The following DENND5A variants were observed in gnomAD, a reference collection of about 807,000 sequenced individuals.
DENND5A encodes the protein DENN domain containing 5A, also known as DENN domain-containing protein 5A.
In DENND5A, 64 loss-of-function variants were observed where a neutral mutation model predicts 140.3. The observed-to-expected ratio is 0.46, with a 90% CI of 0.37 to 0.56. The LOEUF (loss-of-function observed/expected upper bound fraction) is 0.56. DENND5A is among the 20% of genes least tolerant of loss of function. The pLI is 0.00. For missense variants in DENND5A, 1,292 were observed against 1,593.8 expected, an observed-to-expected ratio of 0.81 and a Z score of 3.22; for synonymous variants, 605 against 607.7, an observed-to-expected ratio of 1.00 and a Z score of 0.07.
At chr11:9,163,296 A>G (rs749877871) in intron 11 of DENND5A, among the ~76,000 whole-genome samples, 59 of 152,194 alleles carry the variant, frequency 3.9e-4, no homozygotes, top group Non-Finnish European at 7.4e-4. Context: ...CTGTTTTCCA[A>G]AATCATCATA....
At chr11:9,244,150 C>G (rs979918537) in intron 1 of DENND5A, among the ~76,000 whole-genome samples, 3 of 152,122 alleles carry the variant, frequency 2.0e-5, no homozygotes, top group African/African-American at 7.2e-5. Flanking sequence ...TTTGGACATA[C>G]AGAACCTCAG....
intron 1 of DENND5A, among the ~76,000 whole-genome samples, chr11:9,231,988 G>C (rs1278491718): frequency 6.6e-6 from 1 of 151,458 alleles, no homozygotes; most frequent in African/African-American, 2.4e-5. Context: ...CAATGGTAAT[G>C]TTTCTCTTTC....
chr11:9,257,425 T>C (rs533644160), intron 1 of DENND5A, among the ~76,000 whole-genome samples: 2 of 137,440 alleles, frequency 1.5e-5, no homozygotes, highest in South Asian at 5.6e-4. Flanking sequence ...AGACAGACTC[T>C]GTCTCTTAAA....
intron 1 of DENND5A, among the ~76,000 whole-genome samples, chr11:9,229,233 A>G (rs1424672751): frequency 6.6e-6 from 1 of 152,198 alleles, no homozygotes; most frequent in Non-Finnish European, 1.5e-5. Context: ...GATTACAGGC[A>G]TGAGCCACTG....
intron 1 of DENND5A, among the ~76,000 whole-genome samples, chr11:9,239,540 C>A (rs1449841228): frequency 2.0e-5 from 3 of 151,990 alleles, no homozygotes; most frequent in Non-Finnish European, 4.4e-5. Flanking sequence ...CTATGTTGCC[C>A]AGGCTGGTCT....
intron 18 of DENND5A, among the ~76,000 whole-genome samples, chr11:9,144,563 G>A (rs1396499543): frequency 1.3e-5 from 2 of 152,116 alleles, no homozygotes; most frequent in East Asian, 3.9e-4. Flanking sequence ...GGCCGAGGCG[G>A]CCGGATCACC....
At chr11:9,147,745 T>C (rs1847481435) in intron 15 of DENND5A, among the ~76,000 whole-genome samples, 1 of 152,182 alleles carries the variant, frequency 6.6e-6, no homozygotes, top group Admixed American at 6.5e-5. Flanking sequence ...TTTCAAACTT[T>C]CTCCCTTCAT....
intron 15 of DENND5A, among the ~76,000 whole-genome samples, chr11:9,149,463 A>C (rs1244862470): frequency 1.3e-5 from 2 of 152,218 alleles, no homozygotes. Flanking sequence ...ACAACACATC[A>C]TGGTGAAAAG....
At chr11:9,203,577 T>A in intron 4 of DENND5A, 83 bp downstream of exon 4, 2 of 1,460,810 alleles carry the variant, frequency 1.4e-6, no homozygotes, top group Non-Finnish European at 1.8e-6. Flanking sequence ...GCTCTTAACC[T>A]TTACAGTCAG....
At chr11:9,261,017 T>G (rs563918443) in intron 1 of DENND5A, among the ~76,000 whole-genome samples, 17 of 81,046 alleles carry the variant, frequency 2.1e-4, no homozygotes, top group Non-Finnish European at 4.3e-4. Context: ...CCCAGCTAAT[T>G]TTTTGTACTT....
chr11:9,196,299 C>T (rs11042219), intron 4 of DENND5A, among the ~76,000 whole-genome samples: 9,356 of 152,160 alleles, frequency 0.061, 364 homozygotes, highest in South Asian at 0.14. Context: ...GACTTGGAAT[C>T]ACTCTATAAA....
chr11:9,184,881 TTTC>T (rs1848856631), intron 5 of DENND5A, among the ~76,000 whole-genome samples: 1 of 152,214 alleles, frequency 6.6e-6, no homozygotes. Flanking sequence ...AAGGTGTCTT[TTTC>T]TTCATTTAGA....
intron 2 of DENND5A, chr11:9,207,284 T>C (rs1009631665): frequency 1.6e-5 from 8 of 498,962 alleles, no homozygotes; most frequent in Middle Eastern, 5.8e-4. Flanking sequence ...TAATGAGATA[T>C]TCTGTCAATT....
chr11:9,161,971 G>A (rs981551717), intron 11 of DENND5A, among the ~76,000 whole-genome samples: 6 of 150,890 alleles, frequency 4.0e-5, no homozygotes, highest in Non-Finnish European at 7.4e-5. Flanking sequence ...CAGCAAAGTA[G>A]CAATAGATCT....
intron 1 of DENND5A, among the ~76,000 whole-genome samples, chr11:9,225,489 G>C (rs1018978951): frequency 6.6e-6 from 1 of 152,154 alleles, no homozygotes; most frequent in African/African-American, 2.4e-5. Flanking sequence ...GGGCGGGCAC[G>C]GTGGCTCACG....
At chr11:9,240,521 G>A (rs957651414) in intron 1 of DENND5A, among the ~76,000 whole-genome samples, 1 of 152,118 alleles carries the variant, frequency 6.6e-6, no homozygotes, top group African/African-American at 2.4e-5. Context: ...ACCAGCCTGG[G>A]CAACGTGGTG....
intron 8 of DENND5A, among the ~76,000 whole-genome samples, chr11:9,172,465 AC>A (rs1192002375): frequency 6.6e-6 from 1 of 152,086 alleles, no homozygotes; most frequent in Non-Finnish European, 1.5e-5. Context: ...CCAAATCTCA[AC>A]TTGAACTGTA....
chr11:9,204,196 T>A lies in DENND5A; in HGVS notation c.413A>T (p.Tyr138Phe), dbSNP rs757179752. The A allele has an allele frequency of 1.7e-5, 27 of 1,613,980 alleles. No homozygotes were observed. Among genetic ancestry groups the A allele is most frequent in the Non-Finnish European group, 2.1e-5 (25 of 1,180,020 alleles). The change falls in exon 4 of 23, where the codon TAT becomes TTT. Residue 138 changes from tyrosine to phenylalanine, a missense_variant. Transcript: ENST00000328194. ...SRTFGFALTF[Y>F]EEVTSKQICS... ...GATCTGCTTGCTAGTCACCTCTTCA[T>A]AAAATGTGAGGGCAAACCCAAATGT...
At chr11:9,215,959 C>A (rs1213022464) in intron 1 of DENND5A, among the ~76,000 whole-genome samples, 1 of 152,196 alleles carries the variant, frequency 6.6e-6, no homozygotes, top group African/African-American at 2.4e-5. Context: ...TCTCTAAAAG[C>A]TAGCCCCTCC....
Sources: gnomAD v4.1 joint callset for allele counts (sites outside exome capture counted in the v4.1 genomes callset) on GRCh38, gnomAD v4.1.1 for gene constraint, MANE v1.5 for transcripts, NCBI Gene and HGNC (gene_info 2026-07-23, HGNC 2026-07-21) for gene names.